The following MFN2 variants were observed in gnomAD, a reference collection of about 807,000 sequenced individuals.
MFN2 encodes mitofusin 2.
MFN2 carries 43 observed loss-of-function variants against 87.5 expected under a neutral mutation model. The observed-to-expected ratio is 0.49, with a 90% CI of 0.38 to 0.63. The LOEUF (loss-of-function observed/expected upper bound fraction) is 0.63. Among genes scored for constraint, MFN2 ranks in the 30% least tolerant of loss-of-function variants. The pLI, the probability that MFN2 is intolerant of heterozygous loss-of-function variation, is 0.00. For missense variants in MFN2, 743 were observed against 972.8 expected (o/e 0.76, Z 3.14); for synonymous variants, 337 against 359.9 (o/e 0.94, Z 0.72).
intron 4 of MFN2, 112 bp from the exon 5 acceptor site, chr1:11,996,044 C>A: frequency 7.4e-7 from 1 of 1,359,232 alleles, no homozygotes; most frequent in Non-Finnish European, 1.0e-6. Context: ...TGTCTGGGCA[C>A]TGGCAACATT....
chr1:11,981,548 C>T (rs552817998), intron 1 of MFN2, among the ~76,000 whole-genome samples: 1 of 152,360 alleles, frequency 6.6e-6, no homozygotes, highest in East Asian at 1.9e-4. Flanking sequence ...CTCTGTCCCA[C>T]AGAATAGAGA....
intron 3 of MFN2, 34 bp downstream of exon 3, chr1:11,989,377 T>TA (rs1463690145): frequency 6.2e-6 from 10 of 1,610,004 alleles, no homozygotes; most frequent in Non-Finnish European, 8.5e-6. Context: ...GGCCCGCTCT[T>TA]ACCTGTTTAG....
intron 6 of MFN2, among the ~76,000 whole-genome samples, chr1:11,997,879 C>CTTTTT (rs768355266): frequency 0.011 from 1,076 of 95,838 alleles, 31 homozygotes; most frequent in Non-Finnish European, 0.014. Context: ...TGTATATCAT[C>CTTTTT]TTTTTTTTTT....
chr1:12,001,379 G>T (rs1396720693), intron 8 of MFN2, 22 bp from the exon 9 acceptor site: 1 of 1,612,698 alleles, frequency 6.2e-7, no homozygotes, highest in Admixed American at 1.7e-5. Context: ...ACTCACTCTG[G>T]ACACATTTGT....
intron 3 of MFN2, among the ~76,000 whole-genome samples, chr1:11,991,782 G>A (rs1569812148): frequency 1.3e-5 from 2 of 150,996 alleles, no homozygotes; most frequent in African/African-American, 4.9e-5. Context: ...AAATTAGCCG[G>A]GCGTAGTGGC....
At chr1:11,985,460 T>A (rs1638358638) in intron 2 of MFN2, among the ~76,000 whole-genome samples, 1 of 125,740 alleles carries the variant, frequency 8.0e-6, no homozygotes, top group Non-Finnish European at 1.6e-5. Context: ...GATCCCTTTT[T>A]TTTTTTTTTT....
chr1:11,984,751 A>T (rs983081589), intron 2 of MFN2, among the ~76,000 whole-genome samples: 1 of 152,224 alleles, frequency 6.6e-6, no homozygotes, highest in African/African-American at 2.4e-5. Flanking sequence ...TAAAAATCCA[A>T]GAGGACAGAG....
intron 8 of MFN2, among the ~76,000 whole-genome samples, chr1:12,000,662 A>T (rs1639131074): frequency 6.6e-6 from 1 of 152,222 alleles, no homozygotes; most frequent in African/African-American, 2.4e-5. Context: ...TTTTATCGGT[A>T]GAACCCCAGG....
At position 11,980,521 on chromosome 1, in the gene MFN2, C is replaced by G. The variant is rs552104410; in HGVS notation, c.-150+37C>G. On this transcript the variant is annotated intron_variant, in intron 1 of 18. Transcript: ENST00000235329. ...AGCAAGCCGGGGTGGCGGGGACTGG[C>G]CCGGCCCGGCCCGGCGAGTCCTGAG... 4.0e-5 allele frequency: 16 copies of G among 398,070 alleles called. No individual in the cohort carries two copies. The East Asian group carries it at 5.0e-4, about 12-fold the overall frequency. 24.7% of individuals were successfully genotyped at this position (398,070 alleles called of 1,614,324 possible). A position where few individuals can be genotyped will look rare whatever the true frequency, so the allele number is the denominator to read the frequency against.
At chr1:12,006,494 G>A (rs746249782) in intron 15 of MFN2, 44 bp from the exon 16 acceptor site, 1 of 1,610,648 alleles carries the variant, frequency 6.2e-7, no homozygotes, top group South Asian at 1.1e-5. Context: ...GTGAATGAGA[G>A]ACTCAATACG....
intron 5 of MFN2, 104 bp from the exon 6 acceptor site, chr1:11,997,193 G>C: frequency 6.4e-7 from 1 of 1,552,740 alleles, no homozygotes; most frequent in Non-Finnish European, 8.8e-7. Flanking sequence ...AAGGGTAGCA[G>C]ATGGGCAGCA....
Position 12,004,811 on chromosome 1 carries a change from T to G in MFN2, c.1393-14T>G. 6.2e-7 allele frequency: 1 copy of G among 1,612,666 alleles called. No homozygotes were observed. The highest frequency in any genetic ancestry group is 1.7e-5 in the Admixed American group (1 of 59,986). On this transcript the variant is annotated splice_polypyrimidine_tract_variant and intron_variant, in intron 13 of 18. Coordinates refer to ENST00000235329, the MANE Select transcript of MFN2 (RefSeq NM_014874.4). The surrounding 1 kb of genome is among the most constrained non-coding windows in gnomAD (Gnocchi z 4.2). ...ATGGACATGCTTCTCTTAACTTCCC[T>G]CTTCTGGTGGCAGGAGCTGCACCGC... is the stretch of plus-strand genomic sequence containing the variant.
intron 14 of MFN2, 144 bp downstream of exon 14, chr1:12,005,071 T>A: frequency 1.4e-6 from 1 of 717,894 alleles, no homozygotes; most frequent in Non-Finnish European, 2.5e-6. Context: ...TCTGGGTACA[T>A]GTTCTGAACT....
At chr1:11,983,055 GTTTGTTT>G (rs1044152127) in intron 2 of MFN2, among the ~76,000 whole-genome samples, 25 of 152,172 alleles carry the variant, frequency 1.6e-4, no homozygotes, top group African/African-American at 5.8e-4. Flanking sequence ...TTGTTTGTTT[GTTTGTTT>G]TTTGTTTTTT....
chr1:11,996,341 C>T (rs756800381), intron 5 of MFN2, 23 bp downstream of exon 5: 1 of 1,613,710 alleles, frequency 6.2e-7, no homozygotes, highest in Non-Finnish European at 8.5e-7. Context: ...GGCTGGCTGT[C>T]AGCCCTGTGC....
At chr1:12,010,041 C>T (rs1415675062) in intron 18 of MFN2, among the ~76,000 whole-genome samples, 1 of 152,176 alleles carries the variant, frequency 6.6e-6, no homozygotes, top group East Asian at 1.9e-4. Flanking sequence ...GTAATCCCAG[C>T]CACTCGACAG....
intron 8 of MFN2, among the ~76,000 whole-genome samples, chr1:11,999,433 A>G (rs376120062): frequency 1.3e-5 from 2 of 152,216 alleles, no homozygotes; most frequent in Middle Eastern, 3.2e-3. Flanking sequence ...GAGGCTGGAA[A>G]GAGGAATGGA....
intron 17 of MFN2, among the ~76,000 whole-genome samples, chr1:12,009,061 G>T (rs979173916): frequency 6.6e-6 from 1 of 152,236 alleles, no homozygotes; most frequent in Non-Finnish European, 1.5e-5. Context: ...CCAGTCAGGC[G>T]TGGCGGCGCG....
chr1:12,009,597 T>C lies in MFN2; in HGVS notation c.2075T>C (p.Leu692Pro). ...CCCTTCTCTCTCCTCCCCAGGGAAC[T>C]GTCTGGGACCTTTGCTCATCTGTGT... ...SNCSHQVQQE[L>P]SGTFAHLCQQ... Residue 692 changes from leucine to proline, a missense_variant, in exon 18 of 19, where the codon CTG becomes CCG. Coordinates refer to ENST00000235329, the MANE Select transcript of MFN2 (RefSeq NM_014874.4). 1 of 1,614,256 alleles carries C rather than the reference T, an allele frequency of 6.2e-7. No individual in the cohort carries two copies. Among genetic ancestry groups the C allele is most frequent in the Non-Finnish European group, 8.5e-7 (1 of 1,180,042 alleles).
Sources: gnomAD v4.1 joint callset for allele counts (sites outside exome capture counted in the v4.1 genomes callset) on GRCh38, gnomAD v4.1.1 for gene constraint, Gnocchi (gnomAD v3.1) non-coding constraint, MANE v1.5 for transcripts, NCBI Gene and HGNC (gene_info 2026-07-23, HGNC 2026-07-21) for gene names.